OPHN1: variants seen among roughly 807,000 people sequenced by gnomAD.
The protein encoded by OPHN1 is oligophrenin-1.
In OPHN1, 11 loss-of-function variants were observed where a neutral mutation model predicts 60.7. The observed-to-expected ratio is 0.18, with a 90% CI of 0.11 to 0.30. The LOEUF (loss-of-function observed/expected upper bound fraction) is 0.30. OPHN1 is among the 10% of genes least tolerant of loss of function. The pLI, the probability that OPHN1 is intolerant of heterozygous loss-of-function variation, is 1.00. For synonymous variants in OPHN1, 226 were observed against 222.6 expected, an observed-to-expected ratio of 1.02 and a Z score of -0.14; for missense variants, 449 against 611.0, an observed-to-expected ratio of 0.73 and a Z score of 2.80.
chrX:68,356,426 T>C (rs1354624674), intron 2 of OPHN1, among the ~76,000 whole-genome samples: 8 of 110,016 alleles, frequency 7.3e-5, no homozygotes, highest in Non-Finnish European at 1.5e-4. Flanking sequence ...ATATTTTTTT[T>C]TTTTGAGACA....
intron 2 of OPHN1, among the ~76,000 whole-genome samples, chrX:68,389,971 C>T (rs1429260729): frequency 9.0e-6 from 1 of 111,358 alleles, no homozygotes; most frequent in Non-Finnish European, 1.9e-5. Context: ...TTGGGAAGGC[C>T]TCAGGAAACT....
chrX:68,175,143 T>C, intron 15 of OPHN1, among the ~76,000 whole-genome samples: 1 of 110,773 alleles, frequency 9.0e-6, no homozygotes, highest in South Asian at 3.9e-4. Context: ...TGTGAAAGAA[T>C]TACAAATTCT....
intron 2 of OPHN1, among the ~76,000 whole-genome samples, chrX:68,427,712 T>C (rs780239310): frequency 2.7e-5 from 3 of 110,282 alleles, no homozygotes; most frequent in Middle Eastern, 9.3e-3. Context: ...TCATCCTCTA[T>C]TTTCCTAGCC....
At position 68,048,441 on chromosome X, in the gene OPHN1, G is replaced by A; in HGVS notation, c.2392C>T (p.Pro798Ser). Residue 798 changes from proline (P) to serine (S), a missense_variant, in exon 24 of 25, where the codon CCT (proline) becomes TCT (serine). By Grantham distance (74) the Pro-to-Ser change is moderately conservative. Around this residue, in one of 4 missense-constraint regions of OPHN1, gnomAD observed 184 missense variants for 160.5 expected, o/e 1.15. Transcript: ENST00000355520. Reference protein sequence around the residue: ...RKTGSSQGRLPGDES With the variant: ...RKTGSSQGRLSGDES The stretch of plus-strand genomic sequence containing the variant: ...CTGTAGCCTCAACTTTCATCTCCAG[G>A]AAGTCTGCCTTGAGAACTGTGGATA... 7.4e-6 allele frequency: 9 copies of A among 1,210,304 alleles called. No individual in the cohort carries two copies. The highest frequency in any genetic ancestry group is 1.8e-5 in the South Asian group (1 of 56,898).
chrX:68,345,097 G>A (rs1211831573), intron 2 of OPHN1, among the ~76,000 whole-genome samples: 1 of 112,295 alleles, frequency 8.9e-6, no homozygotes, highest in East Asian at 2.8e-4. Context: ...AAACAACTCT[G>A]TGGAGTACAA....
rs150210587 is a variant in OPHN1 at position 68,047,933 on chromosome X, G to C, written c.*8+483C>G. ...TTCAGGTGGGTAAGACTGAAATAAT[G>C]ATTTGGTCTGCAGGAATGAATCCAT... On this transcript the variant is annotated intron_variant, in intron 24 of 24. Coordinates refer to ENST00000355520, the MANE Select transcript of OPHN1 (RefSeq NM_002547.3). 2.2e-4 allele frequency among the ~76,000 whole-genome samples: 25 copies of C among 112,115 alleles called. No homozygotes were observed. The East Asian group carries it at 5.4e-3, about 24-fold the overall frequency.
At chrX:68,285,298 A>C (rs779853929) in intron 3 of OPHN1, among the ~76,000 whole-genome samples, 1 of 111,212 alleles carries the variant, frequency 9.0e-6, no homozygotes, top group South Asian at 3.8e-4. Context: ...AAGTGTCTTA[A>C]GTTGGAAAGT....
chrX:68,074,266 C>A (rs1281794145), intron 19 of OPHN1, among the ~76,000 whole-genome samples: 1 of 111,904 alleles, frequency 8.9e-6, no homozygotes, highest in Non-Finnish European at 1.9e-5. Context: ...GAACACAAGG[C>A]AAGCTGTGTA....
At chrX:68,268,268 C>T (rs2077944173) in intron 5 of OPHN1, among the ~76,000 whole-genome samples, 1 of 111,397 alleles carries the variant, frequency 9.0e-6, no homozygotes, top group Admixed American at 9.6e-5. Flanking sequence ...GATACCAAAG[C>T]CAGGCAGAGA....
intron 2 of OPHN1, among the ~76,000 whole-genome samples, chrX:68,369,796 A>G (rs1178592181): frequency 9.2e-6 from 1 of 108,128 alleles, no homozygotes; most frequent in Non-Finnish European, 1.9e-5. Flanking sequence ...AAAGACATGA[A>G]TCTAGACATC....
At chrX:68,313,879 C>T (rs111727846) in intron 2 of OPHN1, among the ~76,000 whole-genome samples, 2,407 of 111,274 alleles carry the variant, frequency 0.022, 28 homozygotes, top group Non-Finnish European at 0.03. Context: ...ATGATAAATG[C>T]TTGACATGAT....
At chrX:68,274,697 T>C in intron 5 of OPHN1, 41 bp downstream of exon 5, 1 of 931,045 alleles carries the variant, frequency 1.1e-6, no homozygotes, top group East Asian at 3.1e-5. Context: ...AACTATTCGA[T>C]TGCTATTTTA....
At chrX:68,349,594 A>T (rs2078396823) in intron 2 of OPHN1, among the ~76,000 whole-genome samples, 1 of 112,024 alleles carries the variant, frequency 8.9e-6, no homozygotes, top group African/African-American at 3.2e-5. Flanking sequence ...TTCTACGATA[A>T]AGACACATGC....
Position 68,206,985 on chromosome X carries a change from A to G in OPHN1, c.833-312T>C, listed in dbSNP as rs190812144. ...TATTGTCATTTACTTTGCTGTCTCT[A>G]TAACTGTTCCATGTCATTGGTCATT... On this transcript the variant is annotated intron_variant, in intron 9 of 24. Transcript: ENST00000355520. Among the ~76,000 whole-genome samples the G allele has an allele frequency of 1.9e-3, 217 of 111,541 alleles. 1 individual carries two copies. In the Middle Eastern group the frequency reaches 0.028, roughly 14 times the overall value.
chrX:68,331,645 C>T (rs1482700095), intron 2 of OPHN1, among the ~76,000 whole-genome samples: 1 of 106,632 alleles, frequency 9.4e-6, no homozygotes, highest in African/African-American at 3.4e-5. Flanking sequence ...ACACATGAAT[C>T]ACTTGAATCC....
intron 18 of OPHN1, among the ~76,000 whole-genome samples, chrX:68,109,633 ATT>A (rs777708634): frequency 1.8e-5 from 2 of 111,153 alleles, no homozygotes; most frequent in Non-Finnish European, 3.8e-5. Context: ...CATTTGACAA[ATT>A]TTTTTAAATG....
intron 2 of OPHN1, among the ~76,000 whole-genome samples, chrX:68,330,479 A>G (rs1360942041): frequency 1.8e-5 from 2 of 111,581 alleles, no homozygotes; most frequent in East Asian, 2.8e-4. Flanking sequence ...AACAATATTC[A>G]TAACAGAAGT....
At chrX:68,365,805 T>C (rs1274187062) in intron 2 of OPHN1, among the ~76,000 whole-genome samples, 2 of 103,549 alleles carry the variant, frequency 1.9e-5, no homozygotes, top group African/African-American at 7.4e-5. Flanking sequence ...CTCTATGGAG[T>C]AGCAATTATT....
intron 2 of OPHN1, among the ~76,000 whole-genome samples, chrX:68,425,173 G>C (rs965025765): frequency 2.7e-5 from 3 of 111,467 alleles, no homozygotes; most frequent in Non-Finnish European, 5.6e-5. Context: ...GAGCTATTCA[G>C]AACAGAACTG....
Sources: gnomAD v4.1 joint callset for allele counts (sites outside exome capture counted in the v4.1 genomes callset) on GRCh38, gnomAD v4.1.1 for gene constraint, gnomAD v4.1.1 regional missense constraint, MANE v1.5 for transcripts, NCBI Gene and HGNC (gene_info 2026-07-23, HGNC 2026-07-21) for gene names.